TBC1D4: variants seen among roughly 807,000 people sequenced by gnomAD.
TBC1D4 encodes the protein TBC1 domain family member 4.
A neutral mutation model predicts 142.5 loss-of-function variants in TBC1D4; 121 were observed. The ratio of observed to expected loss-of-function variants is 0.85; its 90% CI spans 0.73 to 0.99. TBC1D4 has a LOEUF of 0.99. Ranked by LOEUF, TBC1D4 falls within the 50% of genes least tolerant of loss-of-function variation. TBC1D4 has a pLI of 0.00. For synonymous variants in TBC1D4, 630 were observed against 628.2 expected (o/e 1.00, Z -0.04); for missense variants, 1,475 against 1,606.6 (o/e 0.92, Z 1.40).
intron 8 of TBC1D4, among the ~76,000 whole-genome samples, chr13:75,330,931 G>A (rs1879692235): frequency 6.6e-6 from 1 of 152,154 alleles, no homozygotes; most frequent in African/African-American, 2.4e-5. Flanking sequence ...CCACCTGCCT[G>A]GTTATCTCAG....
intron 11 of TBC1D4, among the ~76,000 whole-genome samples, chr13:75,321,689 C>T (rs533031280): frequency 4.2e-4 from 64 of 152,058 alleles, no homozygotes; most frequent in Admixed American, 9.8e-4. Context: ...ATTTTACTAC[C>T]GTGTAGATAT....
At chr13:75,409,790 T>C (rs1885522589) in intron 1 of TBC1D4, among the ~76,000 whole-genome samples, 1 of 152,244 alleles carries the variant, frequency 6.6e-6, no homozygotes, top group African/African-American at 2.4e-5. Flanking sequence ...GTAATTTCAA[T>C]TAATAAATTT....
chr13:75,431,277 C>G (rs1211017330), intron 1 of TBC1D4, among the ~76,000 whole-genome samples: 2 of 152,150 alleles, frequency 1.3e-5, no homozygotes, highest in African/African-American at 2.4e-5. Context: ...TTCTGAAGAA[C>G]TTTGAGAAAA....
intron 7 of TBC1D4, among the ~76,000 whole-genome samples, chr13:75,338,345 C>T (rs1436938686): frequency 6.6e-6 from 1 of 151,154 alleles, no homozygotes; most frequent in Non-Finnish European, 1.5e-5. Context: ...GTGTATAAAG[C>T]ACTGGGATCA....
At chr13:75,341,092 CA>C in intron 7 of TBC1D4, 32 bp downstream of exon 7, 1 of 1,583,294 alleles carries the variant, frequency 6.3e-7, no homozygotes. Context: ...TAAACAACAA[CA>C]AAAGTAGGTG....
intron 18 of TBC1D4, among the ~76,000 whole-genome samples, chr13:75,294,409 AAGTC>A (rs1444994187): frequency 6.6e-6 from 1 of 152,236 alleles, no homozygotes; most frequent in Non-Finnish European, 1.5e-5. Context: ...TAACAACAAA[AAGTC>A]AGGTTAAGAA....
chr13:75,369,824 C>T (rs914982598), intron 1 of TBC1D4, among the ~76,000 whole-genome samples: 2 of 152,100 alleles, frequency 1.3e-5, no homozygotes, highest in African/African-American at 4.8e-5. Context: ...ATGTGTGCTA[C>T]ATAAGAAGAT....
At chr13:75,421,017 A>G (rs1886144631) in intron 1 of TBC1D4, among the ~76,000 whole-genome samples, 1 of 152,250 alleles carries the variant, frequency 6.6e-6, no homozygotes, top group African/African-American at 2.4e-5. Flanking sequence ...AGACGAATAA[A>G]AACATCACTC....
intron 1 of TBC1D4, among the ~76,000 whole-genome samples, chr13:75,478,687 C>G (rs978564618): frequency 6.6e-6 from 1 of 152,118 alleles, no homozygotes; most frequent in African/African-American, 2.4e-5. Context: ...TTGAACTGAC[C>G]CCTTTAACAT....
At chr13:75,457,404 T>C (rs1186267810) in intron 1 of TBC1D4, among the ~76,000 whole-genome samples, 1 of 152,164 alleles carries the variant, frequency 6.6e-6, no homozygotes. Flanking sequence ...TAGACACCTA[T>C]AGTGCCCACA....
At chr13:75,448,333 C>T (rs1252330545) in intron 1 of TBC1D4, among the ~76,000 whole-genome samples, 2 of 151,944 alleles carry the variant, frequency 1.3e-5, no homozygotes, top group African/African-American at 4.8e-5. Context: ...ATGGAGAGGC[C>T]AAGGTGGGCA....
intron 1 of TBC1D4, among the ~76,000 whole-genome samples, chr13:75,457,178 C>G (rs1006008198): frequency 6.6e-6 from 1 of 152,032 alleles, no homozygotes; most frequent in African/African-American, 2.4e-5. Flanking sequence ...TGGAAATATT[C>G]TACATTTTAA....
chr13:75,422,528 T>A (rs1886213279), intron 1 of TBC1D4, among the ~76,000 whole-genome samples: 1 of 152,232 alleles, frequency 6.6e-6, no homozygotes. Context: ...ATTGAGAATT[T>A]CTGCTAGAAA....
At chr13:75,389,010 G>A (rs575197399) in intron 1 of TBC1D4, among the ~76,000 whole-genome samples, 238 of 152,308 alleles carry the variant, frequency 1.6e-3, no homozygotes, top group South Asian at 5.0e-3. Flanking sequence ...ACTGATATCT[G>A]CTTCAAATTA....
intron 1 of TBC1D4, among the ~76,000 whole-genome samples, chr13:75,377,711 T>C (rs527737035): frequency 5.4e-5 from 8 of 148,812 alleles, no homozygotes; most frequent in Admixed American, 1.3e-4. Context: ...ATTATATATA[T>C]ATATATTTTC....
Position 75,315,415 on chromosome 13 carries a change from T to TAC in TBC1D4, c.2223-2518_2223-2517insGT, listed in dbSNP as rs1566370409. Reference sequence around the variant, plus strand: ...ATATATATACACACATATATATATATATACACACACATATATATATATATA... The same window carrying TAC: ...ATATATATACACACATATATATATATACATACACACACATATATATATATATA... On this transcript the variant is annotated intron_variant, in intron 12 of 20. Transcript: ENST00000377636. 1.2e-3 allele frequency among the ~76,000 whole-genome samples: 138 copies of TAC among 111,314 alleles called. 1 individual carries two copies. Among genetic ancestry groups the TAC allele is most frequent in the African/African-American group, 4.0e-3 (132 of 32,840 alleles). 73.0% of individuals were successfully genotyped at this position (111,314 alleles called of 152,430 possible). A position where few individuals can be genotyped will look rare whatever the true frequency, so the allele number is the denominator to read the frequency against.
At chr13:75,299,272 AG>A in intron 17 of TBC1D4, 57 bp downstream of exon 17, 1 of 1,610,890 alleles carries the variant, frequency 6.2e-7, no homozygotes, top group Non-Finnish European at 8.5e-7. Flanking sequence ...AATTGAGAAG[AG>A]GGCCAGGATT....
rs748607315 is a variant in TBC1D4, at chr13:75,481,725, G to A, written c.43C>T (p.Pro15Ser). ...SCIQDEPFPH[P>S]LEPEPGVSAQ... ...GAGACGCCCGGCTCGGGCTCCAGGG[G>A]GTGCGGGAACGGCTCATCCTGAATG... The change falls in exon 1 of 21, where the codon CCC becomes TCC. Residue 15 changes from proline to serine, a missense_variant. Physicochemically the swap from Pro to Ser is moderately conservative, Grantham distance 74. Transcript: ENST00000377636. 1.3e-6 allele frequency: 2 copies of A among 1,596,264 alleles called. No individual in the cohort carries two copies. Among genetic ancestry groups the A allele is most frequent in the Admixed American group, 1.8e-5 (1 of 56,774 alleles).
chr13:75,329,932 T>C (rs1472242000), intron 8 of TBC1D4, among the ~76,000 whole-genome samples: 2 of 152,242 alleles, frequency 1.3e-5, no homozygotes, highest in Non-Finnish European at 1.5e-5. Context: ...AGTTTGCCCT[T>C]TGGCATTGTG....
Sources: gnomAD v4.1 joint callset for allele counts (sites outside exome capture counted in the v4.1 genomes callset) on GRCh38, gnomAD v4.1.1 for gene constraint, MANE v1.5 for transcripts, NCBI Gene and HGNC (gene_info 2026-07-23, HGNC 2026-07-21) for gene names.